Variants in PSD3 observed in about 807,000 individuals in gnomAD.
PSD3 encodes the protein PH and SEC7 domain-containing protein 3.
Under a neutral mutation model 105.5 loss-of-function variants are expected in PSD3, and 49 were observed. The ratio of observed to expected loss-of-function variants is 0.46; its 90% confidence interval spans 0.37 to 0.59. The LOEUF (loss-of-function observed/expected upper bound fraction) is 0.59, where lower values mean the gene tolerates loss of function less well. PSD3 is among the 20% of genes least tolerant of loss of function. The pLI, the probability that PSD3 is intolerant of heterozygous loss-of-function variation, is 0.00. For synonymous variants in PSD3, 557 were observed against 457.8 expected (o/e 1.22, Z -2.77); for missense variants, 1,561 against 1,263.8 (o/e 1.24, Z -3.57).
chr8:19,050,506 A>G (rs958584980), intron 1 of PSD3, among the ~76,000 whole-genome samples: 1 of 152,256 alleles, frequency 6.6e-6, no homozygotes, highest in Non-Finnish European at 1.5e-5. Flanking sequence ...CTATGCAGCC[A>G]TAAAAAATGA....
chr8:18,801,516 CA>C (rs1303089991), intron 6 of PSD3, 134 bp from the exon 7 acceptor site: 9 of 554,678 alleles, frequency 1.6e-5, no homozygotes, highest in Non-Finnish European at 1.9e-5. Context: ...TATCTCCCCC[CA>C]AAAAAATCAT....
intron 8 of PSD3, among the ~76,000 whole-genome samples, chr8:18,783,757 C>T (rs943704411): frequency 1.3e-5 from 2 of 152,136 alleles, no homozygotes; most frequent in Non-Finnish European, 2.9e-5. Context: ...ATCAGCCACT[C>T]GAGTAACTGG....
chr8:18,629,988 C>A (rs1440034702), intron 11 of PSD3, among the ~76,000 whole-genome samples: 1 of 151,872 alleles, frequency 6.6e-6, no homozygotes, highest in African/African-American at 2.4e-5. Flanking sequence ...GCAGCTGAAA[C>A]TTCCACGCTC....
At chr8:18,991,538 T>C (rs188652804) in intron 1 of PSD3, among the ~76,000 whole-genome samples, 4 of 152,106 alleles carry the variant, frequency 2.6e-5, no homozygotes, top group Admixed American at 6.5e-5. Flanking sequence ...TGGTCCAAAA[T>C]TGGTAATACC....
rs746537610 is a variant in PSD3 at position 18,765,470 on chromosome 8, A to G, written c.2151T>C (p.Asp717=). Residue 717 remains aspartate, a synonymous_variant, in exon 9 of 16, where the codon GAT becomes GAC. Transcript: ENST00000327040. ...TTACTTTCAGCAGATCCTTGGAGAA[A>G]TCAACACCCTCATTTACCCCTTGCA... ...ANLQGVNEGV[D]FSKDLLKALY... 1 of 1,611,736 alleles carries G rather than the reference A, an allele frequency of 6.2e-7. No homozygotes were observed. Among genetic ancestry groups the G allele is most frequent in the South Asian group, 1.1e-5 (1 of 91,036 alleles).
Position 18,871,860 on chromosome 8 carries a change from T to C in PSD3, c.1004A>G (p.Lys335Arg). 6.2e-7 allele frequency: 1 copy of C among 1,614,200 alleles called. No homozygotes were observed. Among genetic ancestry groups the C allele is most frequent in the Non-Finnish European group, 8.5e-7 (1 of 1,180,032 alleles). Residue 335 changes from lysine (K) to arginine (R), a missense_variant, in exon 3 of 16, where the codon AAA becomes AGA. Transcript: ENST00000327040. ...SLQRTASPDS[K>R]ESSKVPRHLI... ...ATGGCGTGGCACTTTGGAAGACTCT[T>C]TGCTGTCAGGAGAGGCTGTTCTTTG...
intron 15 of PSD3, among the ~76,000 whole-genome samples, chr8:18,553,130 A>G (rs968331722): frequency 3.3e-5 from 5 of 152,190 alleles, no homozygotes; most frequent in Non-Finnish European, 7.3e-5. Context: ...TCCTGGTGTT[A>G]TTACTAACAG....
chr8:18,827,938 A>C (rs1263200469), intron 4 of PSD3, among the ~76,000 whole-genome samples: 1 of 149,842 alleles, frequency 6.7e-6, no homozygotes, highest in Non-Finnish European at 1.5e-5. Flanking sequence ...AAAAAAAAAA[A>C]AAAGAAGCAA....
At chr8:18,571,998 C>T (rs1752545342) in intron 14 of PSD3, among the ~76,000 whole-genome samples, 1 of 152,282 alleles carries the variant, frequency 6.6e-6, no homozygotes, top group Non-Finnish European at 1.5e-5. Context: ...TATGTAAATA[C>T]ACTTGGAGCA....
intron 11 of PSD3, among the ~76,000 whole-genome samples, chr8:18,608,838 A>G (rs1214468202): frequency 3.9e-5 from 6 of 152,180 alleles, no homozygotes; most frequent in Non-Finnish European, 8.8e-5. Flanking sequence ...TATACTCTCC[A>G]ACTTTTCTTC....
intron 2 of PSD3, among the ~76,000 whole-genome samples, chr8:18,897,145 TTGATA>T (rs1285457928): frequency 6.6e-6 from 1 of 152,128 alleles, no homozygotes; most frequent in Non-Finnish European, 1.5e-5. Flanking sequence ...TCTAGCTAGG[TTGATA>T]TAATATCTCA....
intron 1 of PSD3, 75 bp downstream of exon 1, chr8:19,013,488 A>G: frequency 1.3e-6 from 2 of 1,573,414 alleles, no homozygotes; most frequent in Non-Finnish European, 1.7e-6. Context: ...AGCGGCGACA[A>G]AGCAACACAA....
At chr8:18,560,055 C>A (rs112799624) in intron 14 of PSD3, among the ~76,000 whole-genome samples, 2 of 152,166 alleles carry the variant, frequency 1.3e-5, no homozygotes, top group Admixed American at 6.5e-5. Context: ...AAAATCACAT[C>A]TCCTTAAATC....
At chr8:18,859,337 C>G (rs1188012331) in intron 4 of PSD3, among the ~76,000 whole-genome samples, 1 of 151,024 alleles carries the variant, frequency 6.6e-6, no homozygotes, top group African/African-American at 2.4e-5. Context: ...AGTTCCATTC[C>G]TAGAGCACAG....
intron 10 of PSD3, among the ~76,000 whole-genome samples, chr8:18,644,042 A>T (rs1389500923): frequency 6.6e-6 from 1 of 152,202 alleles, no homozygotes; most frequent in Non-Finnish European, 1.5e-5. Flanking sequence ...CCATCCCTTG[A>T]AACCATTCTG....
chr8:18,699,923 T>A (rs528917100), intron 9 of PSD3, among the ~76,000 whole-genome samples: 1 of 152,224 alleles, frequency 6.6e-6, no homozygotes, highest in South Asian at 2.1e-4. Context: ...TTTCCTTTCT[T>A]TACTAAGCCC....
At chr8:18,906,355 T>C (rs1452996439) in intron 2 of PSD3, among the ~76,000 whole-genome samples, 2 of 152,192 alleles carry the variant, frequency 1.3e-5, no homozygotes, top group Non-Finnish European at 2.9e-5. Flanking sequence ...TTCAATGCAC[T>C]AATAAGATGT....
intron 9 of PSD3, among the ~76,000 whole-genome samples, chr8:18,743,992 CCACCA>C: frequency 6.7e-6 from 1 of 149,700 alleles, no homozygotes; most frequent in Non-Finnish European, 1.5e-5. Context: ...ACCACCACCA[CCACCA>C]CCCAGAAGTT....
At position 18,535,837 on chromosome 8, in the gene PSD3, T is replaced by G. The variant is rs370316194; in HGVS notation, c.3050A>C (p.Asp1017Ala). 5.6e-6 allele frequency: 9 copies of G among 1,614,030 alleles called. No homozygotes were observed. The highest frequency in any genetic ancestry group is 7.6e-6 in the Non-Finnish European group (9 of 1,180,018). Reference sequence around the variant, plus strand: ...GACTTTGGCAGTGATTGGAGAAGTATCCGGGTTCAGCGAAGGACTCGAGTG... The same window carrying G: ...GACTTTGGCAGTGATTGGAGAAGTAGCCGGGTTCAGCGAAGGACTCGAGTG... ...KSHSSPSLNP[D>A]TSPITAKVKR... Residue 1017 changes from aspartate (D) to alanine (A), a missense_variant, in exon 16 of 16, where the codon GAT becomes GCT. Coordinates refer to ENST00000327040, the MANE Select transcript of PSD3 (RefSeq NM_015310.4).
Sources: allele counts gnomAD v4.1 joint callset (sites outside exome capture counted in the v4.1 genomes callset), GRCh38; gene constraint gnomAD v4.1.1; transcripts MANE v1.5; gene names NCBI Gene and HGNC (gene_info 2026-07-23, HGNC 2026-07-21).